The following FOXP1 variants were observed in gnomAD, a reference collection of about 807,000 sequenced individuals.
The protein encoded by FOXP1 is forkhead box protein P1.
Under a neutral mutation model 98.2 loss-of-function variants are expected in FOXP1, and 15 were observed. The observed-to-expected ratio is 0.15, with a 90% CI of 0.10 to 0.24. The LOEUF is 0.24. Ranked by LOEUF, FOXP1 falls within the 10% of genes least tolerant of loss-of-function variation. FOXP1 has a pLI of 1.00. For missense variants in FOXP1, 633 were observed against 848.5 expected, an observed-to-expected ratio of 0.75 and a Z score of 3.15; for synonymous variants, 371 against 314.5, an observed-to-expected ratio of 1.18 and a Z score of -1.90.
In FOXP1 at chr3:70,956,732, GTTTTTTTTTTTTTTTTTTTTTTTTT is replaced by G. The variant is rs142956636; in HGVS notation, c.*2490_*2514del. 1.4e-3 allele frequency: 47 copies of G among 32,808 alleles called. 1 individual carries two copies. The highest frequency in any genetic ancestry group is 2.5e-3 in the Admixed American group (5 of 2,036). The allele number at this position is 32,808 out of a possible 1,614,324, so 2.0% of individuals were successfully genotyped here. ...GCACATCATGAAGCTGCCTGGAAAA[GTTTTTTTTTTTTTTTTTTTTTTTTT>G]TTTTTTTTTTTTTTTTAAAGTCTTG... On this transcript the variant is annotated 3_prime_UTR_variant, in exon 21 of 21. Coordinates refer to ENST00000649528, the MANE Select transcript of FOXP1 (RefSeq NM_001349338.3).
chr3:71,447,257 T>G (rs1298256578), intron 3 of FOXP1, among the ~76,000 whole-genome samples: 1 of 152,236 alleles, frequency 6.6e-6, no homozygotes, highest in Non-Finnish European at 1.5e-5. Flanking sequence ...CAAGAATGAC[T>G]GTTTAAATTT....
At chr3:71,570,556 T>C (rs13071807) in intron 2 of FOXP1, 94,327 of 152,090 alleles carry the variant, frequency 0.62, 30,831 homozygotes, top group African/African-American at 0.74. Flanking sequence ...CTGTGACCAC[T>C]CATGATCTGA....
chr3:71,583,911 C>T, upstream of FOXP1: 1 of 984,886 alleles, frequency 1.0e-6, no homozygotes, highest in Non-Finnish European at 1.2e-6. Flanking sequence ...TTCACGCACC[C>T]CGCTGGGCAC....
intron 3 of FOXP1, among the ~76,000 whole-genome samples, chr3:71,391,938 G>A (rs1361950337): frequency 6.6e-6 from 1 of 152,134 alleles, no homozygotes; most frequent in African/African-American, 2.4e-5. Context: ...GGTAAAGCAG[G>A]AAAGACAGCT....
At chr3:71,199,972 A>G (rs931195662) in intron 5 of FOXP1, among the ~76,000 whole-genome samples, 5 of 148,346 alleles carry the variant, frequency 3.4e-5, no homozygotes, top group Admixed American at 2.7e-4. Context: ...GCTACTCAGG[A>G]GGCTAAGGCA....
intron 3 of FOXP1, among the ~76,000 whole-genome samples, chr3:71,492,039 A>G (rs895302176): frequency 5.3e-5 from 8 of 152,212 alleles, no homozygotes; most frequent in Non-Finnish European, 1.2e-4. Context: ...TAGCCATCCC[A>G]CCTAGACTCA....
chr3:71,016,686 CACACAT>C (rs1302952491), intron 11 of FOXP1, among the ~76,000 whole-genome samples: 62 of 151,738 alleles, frequency 4.1e-4, no homozygotes, highest in Middle Eastern at 6.8e-3. Context: ...CACACACACA[CACACAT>C]GCATACACAC....
At chr3:71,128,854 G>A (rs950410959) in intron 6 of FOXP1, among the ~76,000 whole-genome samples, 1 of 151,492 alleles carries the variant, frequency 6.6e-6, no homozygotes, top group African/African-American at 2.4e-5. Flanking sequence ...TTCTCAGAAG[G>A]CAAAAAGCCT....
At chr3:71,278,509 A>T in intron 5 of FOXP1, among the ~76,000 whole-genome samples, 1 of 152,198 alleles carries the variant, frequency 6.6e-6, no homozygotes, top group Admixed American at 6.5e-5. Context: ...CTGACCGGGC[A>T]CGGTGGCTCA....
At chr3:71,486,048 G>T (rs768288192) in intron 3 of FOXP1, among the ~76,000 whole-genome samples, 9 of 151,884 alleles carry the variant, frequency 5.9e-5, no homozygotes, top group Non-Finnish European at 1.3e-4. Context: ...AAAGAACCAC[G>T]GAATCTATTC....
intron 5 of FOXP1, among the ~76,000 whole-genome samples, chr3:71,239,309 C>T (rs935861138): frequency 1.1e-4 from 16 of 152,032 alleles, no homozygotes; most frequent in Non-Finnish European, 2.1e-4. Context: ...TTTGGGAGGC[C>T]GAGGTAGGCA....
chr3:71,417,584 G>A (rs1169740672), intron 3 of FOXP1, among the ~76,000 whole-genome samples: 1 of 151,500 alleles, frequency 6.6e-6, no homozygotes, highest in Non-Finnish European at 1.5e-5. Flanking sequence ...TCACATCTGA[G>A]ACAATCTCAA....
rs150583454 is a variant in FOXP1, at chr3:70,960,718, AAAAC to A, written c.1890-1331_1890-1328del. ...CCCCAAAGGCCCCTTGAACCATTTA[AAAAC>A]AAACAGAGGAGTGCTTTGGACTGCC... On this transcript the variant is annotated intron_variant, in intron 20 of 20. Transcript: ENST00000649528. 6.2e-3 allele frequency among the ~76,000 whole-genome samples: 947 copies of A among 152,306 alleles called. 14 individuals carry two copies. Among genetic ancestry groups the A allele is most frequent in the African/African-American group, 0.021 (885 of 41,554 alleles).
intron 7 of FOXP1, among the ~76,000 whole-genome samples, chr3:71,070,836 G>A (rs2053131637): frequency 6.6e-6 from 1 of 152,218 alleles, no homozygotes; most frequent in Admixed American, 6.5e-5. Context: ...GGAAAATGAA[G>A]CTTAGCAGTT....
At chr3:71,489,359 G>A (rs183483086) in intron 3 of FOXP1, among the ~76,000 whole-genome samples, 28 of 152,302 alleles carry the variant, frequency 1.8e-4, no homozygotes, top group Admixed American at 5.2e-4. Context: ...GTTGCGTGAC[G>A]CTTATGTCTT....
chr3:70,985,688 CTTT>C (rs1012441538), intron 14 of FOXP1, among the ~76,000 whole-genome samples: 2 of 146,870 alleles, frequency 1.4e-5, no homozygotes, highest in African/African-American at 2.5e-5. Context: ...CAAATGTGAT[CTTT>C]TTTTTTTTCA....
chr3:71,255,096 G>T (rs1398557483), intron 5 of FOXP1, among the ~76,000 whole-genome samples: 1 of 152,062 alleles, frequency 6.6e-6, no homozygotes, highest in Non-Finnish European at 1.5e-5. Context: ...TCCTGTAAAG[G>T]CTTGCTGTAG....
At chr3:71,108,424 T>C (rs931799532) in intron 7 of FOXP1, among the ~76,000 whole-genome samples, 1 of 152,240 alleles carries the variant, frequency 6.6e-6, no homozygotes, top group Non-Finnish European at 1.5e-5. Flanking sequence ...CTGTTAAGCA[T>C]TTATTTCACT....
chr3:71,315,679 G>A (rs1302508503), intron 4 of FOXP1, among the ~76,000 whole-genome samples: 1 of 152,134 alleles, frequency 6.6e-6, no homozygotes, highest in African/African-American at 2.4e-5. Context: ...AGGAACTCAA[G>A]CCTGTGACTC....
Sources: gnomAD v4.1 joint callset for allele counts (sites outside exome capture counted in the v4.1 genomes callset) on GRCh38, gnomAD v4.1.1 for gene constraint, MANE v1.5 for transcripts, NCBI Gene and HGNC (gene_info 2026-07-23, HGNC 2026-07-21) for gene names.